Variants in IGF1R observed in about 807,000 individuals in gnomAD.
The protein encoded by IGF1R is insulin-like growth factor 1 receptor.
In IGF1R, 44 loss-of-function variants were observed where a neutral mutation model predicts 144.6. The observed-to-expected ratio is 0.30, with a 90% CI of 0.24 to 0.39. IGF1R has a LOEUF of 0.39. Ranked by LOEUF, IGF1R falls within the 10% of genes least tolerant of loss-of-function variation. The pLI, the probability that IGF1R is intolerant of heterozygous loss-of-function variation, is 1.00. For missense variants in IGF1R, 1,355 were observed against 1,833.7 expected, an observed-to-expected ratio of 0.74 and a Z score of 4.77; for synonymous variants, 795 against 722.8, an observed-to-expected ratio of 1.10 and a Z score of -1.60.
At chr15:98,664,122 C>A (rs1040834541) in intron 1 of IGF1R, among the ~76,000 whole-genome samples, 21 of 152,126 alleles carry the variant, frequency 1.4e-4, no homozygotes, top group African/African-American at 5.1e-4. Context: ...GTAACACTTT[C>A]CTGCTATTAG....
At chr15:98,697,792 C>T (rs11634678) in intron 1 of IGF1R, among the ~76,000 whole-genome samples, 41,255 of 151,894 alleles carry the variant, frequency 0.27, 6,988 homozygotes, top group Non-Finnish European at 0.37. Context: ...GGCTGGAGTG[C>T]GGTGGCGCGA....
At chr15:98,898,289 T>C (rs1334839632) in intron 4 of IGF1R, among the ~76,000 whole-genome samples, 1 of 152,242 alleles carries the variant, frequency 6.6e-6, no homozygotes, top group East Asian at 1.9e-4. Flanking sequence ...AGACAAAAAT[T>C]TAATCTGTGA....
chr15:98,953,936 C>G (rs753268570), intron 20 of IGF1R, among the ~76,000 whole-genome samples: 31 of 152,282 alleles, frequency 2.0e-4, no homozygotes, highest in Middle Eastern at 3.4e-3. Flanking sequence ...CACACAGGCC[C>G]CATGTCCACA....
At chr15:98,955,242 A>C (rs2016932498) in intron 20 of IGF1R, among the ~76,000 whole-genome samples, 1 of 152,216 alleles carries the variant, frequency 6.6e-6, no homozygotes, top group African/African-American at 2.4e-5. Context: ...GACTTTTAAA[A>C]TTCTGGCTAC....
chr15:98,783,237 C>G (rs1436550607), intron 2 of IGF1R, among the ~76,000 whole-genome samples: 1 of 152,168 alleles, frequency 6.6e-6, no homozygotes, highest in South Asian at 2.1e-4. Flanking sequence ...AGTACAGTAT[C>G]ACAGCTAGGA....
rs551334084 is a variant in IGF1R, at chr15:98,797,144, T to C, written c.640+89037T>C. ...GCTTCTCTATGGATGACAGCAGCAC[T>C]GATAAATGCCACACCTGCTTTCTCA... On this transcript the variant is annotated intron_variant, in intron 2 of 20. Coordinates refer to ENST00000650285, the MANE Select transcript of IGF1R (RefSeq NM_000875.5). Among the ~76,000 whole-genome samples the C allele has an allele frequency of 2.9e-4, 44 of 152,372 alleles. 1 individual carries two copies. The South Asian group carries it at 6.4e-3, about 22-fold the overall frequency.
At chr15:98,882,687 G>A (rs373965297) in intron 2 of IGF1R, among the ~76,000 whole-genome samples, 1 of 152,192 alleles carries the variant, frequency 6.6e-6, no homozygotes, top group African/African-American at 2.4e-5. Flanking sequence ...GTGATGAGGG[G>A]TGAAAATATG....
chr15:98,920,723 T>C (rs1328784082), intron 10 of IGF1R, among the ~76,000 whole-genome samples: 1 of 152,160 alleles, frequency 6.6e-6, no homozygotes, highest in Non-Finnish European at 1.5e-5. Flanking sequence ...CCTGACCTTG[T>C]GGTTTTCTGC....
chr15:98,664,573 G>A (rs958011266), intron 1 of IGF1R, among the ~76,000 whole-genome samples: 3 of 151,586 alleles, frequency 2.0e-5, no homozygotes, highest in African/African-American at 7.3e-5. Flanking sequence ...GCTGAGGCAG[G>A]AGAATCACTT....
chr15:98,817,902 G>C (rs368161100), intron 2 of IGF1R, among the ~76,000 whole-genome samples: 2 of 152,152 alleles, frequency 1.3e-5, no homozygotes, highest in East Asian at 3.9e-4. Flanking sequence ...CTTCTCTCCA[G>C]CGTCATGGTT....
intron 1 of IGF1R, among the ~76,000 whole-genome samples, chr15:98,697,661 C>G (rs1180860025): frequency 7.9e-6 from 1 of 126,014 alleles, no homozygotes; most frequent in South Asian, 2.5e-4. Flanking sequence ...TGTCCACTTG[C>G]ACTTGTGTTA....
At chr15:98,804,381 T>C (rs1194248751) in intron 2 of IGF1R, among the ~76,000 whole-genome samples, 1 of 152,234 alleles carries the variant, frequency 6.6e-6, no homozygotes, top group Non-Finnish European at 1.5e-5. Context: ...AACCCGCGTT[T>C]GGAGGACTGA....
In IGF1R at chr15:98,767,591, T is replaced by G. The variant is rs577795670; in HGVS notation, c.640+59484T>G. On this transcript the variant is annotated intron_variant, in intron 2 of 20. Transcript: ENST00000650285. ...CCCAGAAAATATTTCTTATTGTTGA[T>G]AATCTGCAGTTTGCAAGTGCAGCGA... Among the ~76,000 whole-genome samples the G allele has an allele frequency of 2.0e-4, 31 of 152,378 alleles. 1 individual carries two copies. In the South Asian group the frequency reaches 6.2e-3, roughly 31 times the overall value.
At chr15:98,755,855 C>T (rs1392866988) in intron 2 of IGF1R, among the ~76,000 whole-genome samples, 1 of 147,788 alleles carries the variant, frequency 6.8e-6, no homozygotes, top group East Asian at 2.1e-4. Flanking sequence ...GTTGTGTATA[C>T]TCATTCATGT....
intron 2 of IGF1R, among the ~76,000 whole-genome samples, chr15:98,776,112 C>T (rs2055706626): frequency 6.6e-6 from 1 of 152,102 alleles, no homozygotes; most frequent in Admixed American, 6.5e-5. Context: ...TCCTTAAACT[C>T]CCGAAGGGAG....
intron 15 of IGF1R, among the ~76,000 whole-genome samples, chr15:98,930,939 A>G (rs544918011): frequency 2.4e-4 from 36 of 152,168 alleles, no homozygotes; most frequent in African/African-American, 8.0e-4. Flanking sequence ...AGACCTTTTG[A>G]GTGAGTCGGA....
intron 2 of IGF1R, among the ~76,000 whole-genome samples, chr15:98,739,995 T>C (rs1045713555): frequency 5.3e-5 from 8 of 152,192 alleles, no homozygotes; most frequent in Non-Finnish European, 1.2e-4. Context: ...TGTACATTTA[T>C]GGAGGGGCAA....
chr15:98,788,469 C>T (rs1000633735), intron 2 of IGF1R, among the ~76,000 whole-genome samples: 5 of 152,148 alleles, frequency 3.3e-5, no homozygotes, highest in African/African-American at 9.7e-5. Flanking sequence ...TGTCACTTAC[C>T]CAAGGTGCAG....
intron 2 of IGF1R, among the ~76,000 whole-genome samples, chr15:98,835,713 T>C (rs1484913221): frequency 3.3e-5 from 5 of 152,294 alleles, no homozygotes; most frequent in African/African-American, 4.8e-5. Context: ...TTAGATGTGG[T>C]TGGGGTCTGG....
Sources: gnomAD v4.1 joint callset for allele counts (sites outside exome capture counted in the v4.1 genomes callset) on GRCh38, gnomAD v4.1.1 for gene constraint, MANE v1.5 for transcripts, NCBI Gene and HGNC (gene_info 2026-07-23, HGNC 2026-07-21) for gene names.